KCNIP4: variants seen among roughly 807,000 people sequenced by gnomAD.
The protein encoded by KCNIP4 is potassium voltage-gated channel interacting protein 4, also known as Kv channel-interacting protein 4.
In KCNIP4, 12 loss-of-function variants were observed where a neutral mutation model predicts 34.0. The observed-to-expected ratio is 0.35, with a 90% CI of 0.23 to 0.57. KCNIP4 has a LOEUF of 0.57. Ranked by LOEUF, KCNIP4 falls within the 20% of genes least tolerant of loss-of-function variation. KCNIP4 has a pLI of 0.83. For missense variants in KCNIP4, 238 were observed against 311.7 expected (o/e 0.76, Z 1.78); for synonymous variants, 124 against 102.2 (o/e 1.21, Z -1.29).
chr4:21,209,303 C>T (rs888714192), intron 1 of KCNIP4, among the ~76,000 whole-genome samples: 3 of 152,044 alleles, frequency 2.0e-5, no homozygotes, highest in African/African-American at 7.2e-5. Context: ...ACTAATATAT[C>T]ATTAACTATA....
intron 1 of KCNIP4, among the ~76,000 whole-genome samples, chr4:21,524,071 C>T (rs1735770724): frequency 6.6e-6 from 1 of 152,068 alleles, no homozygotes; most frequent in Non-Finnish European, 1.5e-5. Context: ...AGCCTCTCTC[C>T]TCCTCCTTTA....
intron 1 of KCNIP4, among the ~76,000 whole-genome samples, chr4:21,136,573 C>T (rs925723015): frequency 8.6e-5 from 13 of 152,046 alleles, no homozygotes; most frequent in African/African-American, 3.1e-4. Flanking sequence ...GTTTCCTGTC[C>T]TTTCCTCCAT....
At chr4:21,867,430 A>T (rs1458673877) in intron 1 of KCNIP4, among the ~76,000 whole-genome samples, 1 of 152,202 alleles carries the variant, frequency 6.6e-6, no homozygotes, top group Non-Finnish European at 1.5e-5. Flanking sequence ...TTAGTTTGCA[A>T]ATTCTCTACT....
intron 8 of KCNIP4, chr4:20,731,569 A>C: frequency 1.0e-6 from 1 of 985,404 alleles, no homozygotes; most frequent in Non-Finnish European, 1.2e-6. Flanking sequence ...CACTAAAACA[A>C]TGACTTTTCT....
intron 1 of KCNIP4, among the ~76,000 whole-genome samples, chr4:21,236,991 G>A: frequency 6.6e-6 from 1 of 150,740 alleles, no homozygotes. Flanking sequence ...GGGTGACAGA[G>A]GGAGACTCCA....
intron 1 of KCNIP4, among the ~76,000 whole-genome samples, chr4:20,958,809 G>A (rs909755906): frequency 2.6e-5 from 4 of 152,224 alleles, no homozygotes; most frequent in African/African-American, 9.6e-5. Context: ...ATCAAACAGT[G>A]CCTGGAAGAG....
chr4:21,200,556 A>G (rs1298266916), intron 1 of KCNIP4, among the ~76,000 whole-genome samples: 2 of 151,944 alleles, frequency 1.3e-5, no homozygotes, highest in East Asian at 3.9e-4. Flanking sequence ...CCAATATTGC[A>G]TGTTCTCACT....
chr4:20,976,424 A>G (rs1735497287), intron 1 of KCNIP4, among the ~76,000 whole-genome samples: 1 of 152,216 alleles, frequency 6.6e-6, no homozygotes, highest in African/African-American at 2.4e-5. Context: ...TGGATGAAGA[A>G]TGGAGCTAGA....
intron 1 of KCNIP4, among the ~76,000 whole-genome samples, chr4:21,747,584 T>A (rs1339655804): frequency 1.3e-5 from 2 of 152,166 alleles, no homozygotes; most frequent in African/African-American, 4.8e-5. Flanking sequence ...ACACTCAATC[T>A]TGGAGTTTGT....
At chr4:21,626,729 T>C (rs1321965676) in intron 1 of KCNIP4, among the ~76,000 whole-genome samples, 1 of 152,106 alleles carries the variant, frequency 6.6e-6, no homozygotes, top group Non-Finnish European at 1.5e-5. Context: ...CCCCAAGATG[T>C]CCAATCCCTA....
At chr4:21,486,737 G>A (rs1479917075) in intron 1 of KCNIP4, among the ~76,000 whole-genome samples, 1 of 152,080 alleles carries the variant, frequency 6.6e-6, no homozygotes, top group Admixed American at 6.6e-5. Context: ...TCCCATATAT[G>A]CTGTATGCAG....
intron 1 of KCNIP4, among the ~76,000 whole-genome samples, chr4:21,834,678 A>C (rs1230188898): frequency 6.6e-6 from 1 of 151,980 alleles, no homozygotes; most frequent in Non-Finnish European, 1.5e-5. Flanking sequence ...GCCAGTTTTC[A>C]AAGGGAATGC....
At chr4:21,847,153 G>A (rs191159611) in intron 1 of KCNIP4, 4 of 152,134 alleles carry the variant, frequency 2.6e-5, no homozygotes, top group South Asian at 2.1e-4. Flanking sequence ...CCACCAAAGC[G>A]GTAGTAACAG....
At chr4:21,056,435 A>G (rs1177637023) in intron 1 of KCNIP4, among the ~76,000 whole-genome samples, 1 of 152,102 alleles carries the variant, frequency 6.6e-6, no homozygotes, top group Non-Finnish European at 1.5e-5. Context: ...AATCTCTATC[A>G]TCTGCATGGC....
intron 1 of KCNIP4, among the ~76,000 whole-genome samples, chr4:21,552,435 T>C (rs893285983): frequency 1.3e-5 from 2 of 152,192 alleles, no homozygotes; most frequent in African/African-American, 4.8e-5. Context: ...AGTTTACCAG[T>C]CTTGCCTTAC....
chr4:21,772,303 C>T (rs978038699), intron 1 of KCNIP4, among the ~76,000 whole-genome samples: 27 of 152,146 alleles, frequency 1.8e-4, no homozygotes, highest in African/African-American at 6.0e-4. Context: ...AGTTTTTTGA[C>T]GTGCTGCTGG....
chr4:21,363,681 T>C (rs1170064683), intron 1 of KCNIP4, among the ~76,000 whole-genome samples: 1 of 152,168 alleles, frequency 6.6e-6, no homozygotes, highest in East Asian at 1.9e-4. Flanking sequence ...GATGATGATT[T>C]TGACTATCAT....
intron 1 of KCNIP4, among the ~76,000 whole-genome samples, chr4:21,605,640 C>T (rs987142005): frequency 6.6e-6 from 1 of 151,990 alleles, no homozygotes; most frequent in African/African-American, 2.4e-5. Context: ...GCCACCACAC[C>T]CAGCTAATTT....
intron 1 of KCNIP4, among the ~76,000 whole-genome samples, chr4:21,157,588 A>G (rs1441071467): frequency 6.6e-6 from 1 of 152,182 alleles, no homozygotes; most frequent in African/African-American, 2.4e-5. Flanking sequence ...CAATTATGAG[A>G]CAAGGAAGAA....
Sources: allele counts gnomAD v4.1 joint callset (sites outside exome capture counted in the v4.1 genomes callset), GRCh38; gene constraint gnomAD v4.1.1; transcripts MANE v1.5; gene names NCBI Gene and HGNC (gene_info 2026-07-23, HGNC 2026-07-21).